Variants in TOX2 observed in about 807,000 individuals in gnomAD.
The protein encoded by TOX2 is TOX high mobility group box family member 2, also known as granulosa cell HMG box 1.
Under a neutral mutation model 47.4 loss-of-function variants are expected in TOX2, and 15 were observed. The ratio of observed to expected loss-of-function variants is 0.32; its 90% CI spans 0.21 to 0.49. The LOEUF (loss-of-function observed/expected upper bound fraction) is 0.49. TOX2 is among the 20% of genes least tolerant of loss of function. The pLI is 0.99. For missense variants in TOX2, 622 were observed against 673.1 expected, an observed-to-expected ratio of 0.92 and a Z score of 0.84; for synonymous variants, 290 against 296.6, an observed-to-expected ratio of 0.98 and a Z score of 0.23.
chr20:44,035,240 G>T (rs931636853), intron 3 of TOX2, among the ~76,000 whole-genome samples: 1 of 152,194 alleles, frequency 6.6e-6, no homozygotes, highest in East Asian at 1.9e-4. Context: ...GGCTCCCCAT[G>T]GGTCTGGGAG....
chr20:43,950,712 C>T (rs952897741), intron 1 of TOX2, among the ~76,000 whole-genome samples: 1 of 152,088 alleles, frequency 6.6e-6, no homozygotes, highest in Admixed American at 6.5e-5. Context: ...GCATACCCTC[C>T]ATCTCGACAT....
chr20:44,006,472 G>A (rs952076859), intron 2 of TOX2, 75 bp from the exon 3 acceptor site: 100 of 1,529,424 alleles, frequency 6.5e-5, no homozygotes, highest in Non-Finnish European at 4.7e-5. Flanking sequence ...TATTGTTGCT[G>A]TTATTGGTGC....
At chr20:44,052,395 C>T (rs1042472298) in intron 4 of TOX2, among the ~76,000 whole-genome samples, 4 of 152,204 alleles carry the variant, frequency 2.6e-5, no homozygotes, top group Non-Finnish European at 5.9e-5. Context: ...GGCCTCCCAG[C>T]GAGCTAGTGG....
At position 44,068,745 on chromosome 20, in the gene TOX2, C is replaced by G. The variant is rs2071881360; in HGVS notation, c.*59C>G. 6.2e-7 allele frequency: 1 copy of G among 1,609,392 alleles called. No individual in the cohort carries two copies. The highest frequency in any genetic ancestry group is 8.5e-7 in the Non-Finnish European group (1 of 1,176,994). On this transcript the variant is annotated 3_prime_UTR_variant, in exon 9 of 9. Transcript: ENST00000341197. ...AAGGCACTGCTCAGAGCCTGAAGGGCTGACAGCAGAAAAGAGGCCCTGGCC... is the reference window on the plus strand; with the variant it reads ...AAGGCACTGCTCAGAGCCTGAAGGGGTGACAGCAGAAAAGAGGCCCTGGCC...
At chr20:44,056,652 G>A (rs537386288) in intron 5 of TOX2, among the ~76,000 whole-genome samples, 2 of 152,210 alleles carry the variant, frequency 1.3e-5, no homozygotes, top group South Asian at 2.1e-4. Context: ...ATTTCCATCC[G>A]ATAATGGGCA....
At chr20:44,040,805 G>A (rs1375515764) in intron 3 of TOX2, among the ~76,000 whole-genome samples, 1 of 152,146 alleles carries the variant, frequency 6.6e-6, no homozygotes, top group Non-Finnish European at 1.5e-5. Flanking sequence ...GTGGCCCAAG[G>A]ACAGTGAGGA....
At chr20:43,932,690 C>T (rs76020253) in intron 1 of TOX2, among the ~76,000 whole-genome samples, 2,917 of 152,054 alleles carry the variant, frequency 0.019, 98 homozygotes, top group African/African-American at 0.066. Context: ...GACATCCCCT[C>T]GGAGGGGCTT....
intron 1 of TOX2, among the ~76,000 whole-genome samples, chr20:43,949,077 C>T (rs1569024110): frequency 6.6e-6 from 1 of 152,126 alleles, no homozygotes; most frequent in Non-Finnish European, 1.5e-5. Context: ...TAGAAGGAAA[C>T]AGTTACTCTC....
chr20:44,057,653 T>C (rs2145776099), intron 5 of TOX2, among the ~76,000 whole-genome samples: 1 of 151,524 alleles, frequency 6.6e-6, no homozygotes, highest in Middle Eastern at 3.4e-3. Context: ...TAAAACATAA[T>C]GAAGCTAACT....
At chr20:43,932,360 A>G (rs1292460003) in intron 1 of TOX2, among the ~76,000 whole-genome samples, 1 of 152,154 alleles carries the variant, frequency 6.6e-6, no homozygotes, top group African/African-American at 2.4e-5. Context: ...TCAGGGACTT[A>G]TATGTATATT....
intron 2 of TOX2, among the ~76,000 whole-genome samples, chr20:43,994,818 ATGTGACTGCCTGTCAT>A (rs765872580): frequency 1.1e-4 from 16 of 152,180 alleles, no homozygotes; most frequent in Non-Finnish European, 1.8e-4. Flanking sequence ...CTCCTGTCTA[ATGTGACTGCCTGTCAT>A]TGTCCCACTA....
intron 2 of TOX2, among the ~76,000 whole-genome samples, chr20:43,984,804 CAAT>C (rs1048054605): frequency 7.2e-5 from 11 of 151,978 alleles, no homozygotes; most frequent in South Asian, 2.1e-4. Context: ...GGGATGGAAA[CAAT>C]GATGATGATG....
chr20:43,949,940 C>A (rs2069532280), intron 1 of TOX2, among the ~76,000 whole-genome samples: 1 of 152,130 alleles, frequency 6.6e-6, no homozygotes, highest in Non-Finnish European at 1.5e-5. Context: ...GACCTCCCTG[C>A]AAATTAAGGG....
intron 2 of TOX2, among the ~76,000 whole-genome samples, chr20:43,981,280 G>A (rs1023359548): frequency 5.3e-5 from 8 of 152,000 alleles, no homozygotes; most frequent in Admixed American, 3.9e-4. Flanking sequence ...CCAGCAATTC[G>A]TTTTTTTGGA....
intron 2 of TOX2, among the ~76,000 whole-genome samples, chr20:43,982,499 G>A (rs2070185491): frequency 6.6e-6 from 1 of 152,170 alleles, no homozygotes. Flanking sequence ...AGAGCTAGTG[G>A]GGAGCAGCTG....
chr20:43,986,275 GTA>G, intron 2 of TOX2, among the ~76,000 whole-genome samples: 2 of 151,808 alleles, frequency 1.3e-5, no homozygotes, highest in African/African-American at 4.8e-5. Flanking sequence ...ATGTATGTAT[GTA>G]TGTATGTATG....
chr20:43,915,019 C>A lies in TOX2; in HGVS notation c.99+29C>A, dbSNP rs935552240. On this transcript the variant is annotated intron_variant, in intron 1 of 8. Transcript: ENST00000341197. The surrounding 1 kb of genome is among the most constrained non-coding windows in gnomAD (Gnocchi z 7.1). Reference sequence around the variant, plus strand: ...GGCGGGGGCGGGCGGGGGTCCCCGGCGGGCGGGGCCGGAGTCACCTGGCAG... The same window carrying A: ...GGCGGGGGCGGGCGGGGGTCCCCGGAGGGCGGGGCCGGAGTCACCTGGCAG... The A allele has an allele frequency of 6.6e-6, 8 of 1,215,700 alleles. No homozygotes were observed. The highest frequency in any genetic ancestry group is 8.2e-6 in the Non-Finnish European group (8 of 972,196). The allele number at this position is 1,215,700 out of a possible 1,614,324, so 75.3% of individuals were successfully genotyped here. A position where few individuals can be genotyped will look rare whatever the true frequency, so the allele number is the denominator to read the frequency against.
Position 44,068,909 on chromosome 20 carries a change from G to C in TOX2, c.*223G>C, listed in dbSNP as rs551066379. On this transcript the variant is annotated 3_prime_UTR_variant, in exon 9 of 9. Transcript: ENST00000341197. The stretch of plus-strand genomic sequence containing the variant: ...CCCAAAGAACCTGCAGGAACCTTCC[G>C]CCCGCTGACCTGCTTGCTCCAGGGT... 2.8e-6 allele frequency: 2 copies of C among 703,218 alleles called. 1 individual carries two copies. Among genetic ancestry groups the C allele is most frequent in the East Asian group, 5.6e-5 (2 of 35,518 alleles). The allele number at this position is 703,218 out of a possible 1,614,324, so 43.6% of individuals were successfully genotyped here.
At chr20:44,017,503 G>C (rs989022293) in intron 3 of TOX2, among the ~76,000 whole-genome samples, 1 of 152,144 alleles carries the variant, frequency 6.6e-6, no homozygotes, top group Non-Finnish European at 1.5e-5. Context: ...AGAACATCAC[G>C]ATGGCCAGCC....
Sources: gnomAD v4.1 joint callset for allele counts (sites outside exome capture counted in the v4.1 genomes callset) on GRCh38, gnomAD v4.1.1 for gene constraint, Gnocchi (gnomAD v3.1) non-coding constraint, MANE v1.5 for transcripts, NCBI Gene and HGNC (gene_info 2026-07-23, HGNC 2026-07-21) for gene names.